VPS29: variants seen among roughly 807,000 people sequenced by gnomAD.
VPS29 encodes the protein VPS29 retromer complex component, also known as vacuolar protein sorting-associated protein 29.
VPS29 carries 2 observed loss-of-function variants against 20.0 expected under a neutral mutation model. That is an observed-to-expected ratio of 0.10 (90% CI 0.04 to 0.31). The LOEUF (loss-of-function observed/expected upper bound fraction) is 0.31. Ranked by LOEUF, VPS29 falls within the 10% of genes least tolerant of loss-of-function variation. The pLI, the probability that VPS29 is intolerant of heterozygous loss-of-function variation, is 1.00. For missense variants in VPS29, 120 were observed against 215.3 expected (o/e 0.56, Z 2.77); for synonymous variants, 81 against 79.3 (o/e 1.02, Z -0.12).
chr12:110,501,653 G>C lies in VPS29; in HGVS notation c.3+396C>G, dbSNP rs745330785. ...CTTCCACCACTACACCCCAACCAGCGGGAGGTGCTTTTTGCGGGAAACGAG... is the reference window on the plus strand; with the variant it reads ...CTTCCACCACTACACCCCAACCAGCCGGAGGTGCTTTTTGCGGGAAACGAG... On this transcript the variant is annotated intron_variant, in intron 1 of 3. Coordinates refer to ENST00000549578, the MANE Select transcript of VPS29 (RefSeq NM_016226.5). The C allele has an allele frequency of 2.6e-5, 40 of 1,527,252 alleles. No individual in the cohort carries two copies. The Middle Eastern group carries it at 1.2e-3, about 45-fold the overall frequency. The allele number at this position is 1,527,252 out of a possible 1,614,324, so 94.6% of individuals were successfully genotyped here. A position where few individuals can be genotyped will look rare whatever the true frequency, so the allele number is the denominator to read the frequency against.
intron 3 of VPS29, among the ~76,000 whole-genome samples, 172 bp from the exon 4 acceptor site, chr12:110,492,294 GCA>G (rs1447108838): frequency 1.3e-5 from 2 of 152,224 alleles, no homozygotes; most frequent in African/African-American, 4.8e-5. Context: ...ATGTGGCTGG[GCA>G]CAGTGGCTTA....
At chr12:110,501,044 G>A (rs1289336345) in intron 1 of VPS29, among the ~76,000 whole-genome samples, 1 of 152,140 alleles carries the variant, frequency 6.6e-6, no homozygotes, top group East Asian at 1.9e-4. Context: ...AGACGGGCTT[G>A]GTGGCGGGCG....
intron 1 of VPS29, chr12:110,501,678 G>A (rs377437374): frequency 1.4e-6 from 2 of 1,479,188 alleles, no homozygotes. Context: ...CGGGAAACGA[G>A]TAGGAACCGT....
At chr12:110,501,955 T>G (rs1255920073) in intron 1 of VPS29, 94 bp downstream of exon 1, 18 of 1,610,092 alleles carry the variant, frequency 1.1e-5, no homozygotes, top group Non-Finnish European at 1.5e-5. Context: ...CTCCGGGATT[T>G]CCCAATTCCT....
intron 2 of VPS29, among the ~76,000 whole-genome samples, chr12:110,494,913 G>A (rs1446592963): frequency 6.6e-6 from 1 of 151,646 alleles, no homozygotes; most frequent in Admixed American, 6.6e-5. Flanking sequence ...GTAGAGATGG[G>A]GTTTCACCGT....
chr12:110,499,403 T>A (rs1250088516), intron 1 of VPS29: 2 of 1,318,260 alleles, frequency 1.5e-6, no homozygotes, highest in African/African-American at 3.0e-5. Flanking sequence ...TAAATTAAAA[T>A]AAAGAGCCAA....
chr12:110,495,926 T>C, intron 2 of VPS29, 86 bp downstream of exon 2: 2 of 1,296,290 alleles, frequency 1.5e-6, no homozygotes, highest in Admixed American at 2.5e-5. Context: ...CCTTACCAGT[T>C]GAGAAACCCT....
At chr12:110,500,234 G>C (rs999969698) in intron 1 of VPS29, among the ~76,000 whole-genome samples, 1 of 152,172 alleles carries the variant, frequency 6.6e-6, no homozygotes, top group Non-Finnish European at 1.5e-5. Flanking sequence ...ACACTGTACT[G>C]AGTGTTGAAC....
chr12:110,497,251 C>G (rs1216871815), intron 1 of VPS29, among the ~76,000 whole-genome samples: 1 of 108,756 alleles, frequency 9.2e-6, no homozygotes, highest in African/African-American at 3.5e-5. Context: ...GAGTCTCACT[C>G]TGTCGCCCAG....
intron 2 of VPS29, among the ~76,000 whole-genome samples, chr12:110,494,100 C>A (rs1320093445): frequency 6.6e-6 from 1 of 151,988 alleles, no homozygotes; most frequent in Non-Finnish European, 1.5e-5. Context: ...TCTTTCACCT[C>A]CATGCCACCT....
chr12:110,496,363 T>C, intron 1 of VPS29, 160 bp from the exon 2 acceptor site: 1 of 599,760 alleles, frequency 1.7e-6, no homozygotes, highest in Non-Finnish European at 2.7e-6. Context: ...TCTCAGAAGC[T>C]GAATCTGTAC....
chr12:110,498,163 G>C (rs2062939008), intron 1 of VPS29, among the ~76,000 whole-genome samples: 1 of 151,786 alleles, frequency 6.6e-6, no homozygotes, highest in Non-Finnish European at 1.5e-5. Context: ...GTAGAGACAG[G>C]GTTTCACCGT....
In VPS29 at chr12:110,502,082, A is replaced by G. The variant is rs773202153; in HGVS notation, c.-31T>C. ...CACCGGGCTCCGCTCAGTCACCACC[A>G]CCGTCGCCGCCCTCTTCCTCAGGCT... On this transcript the variant is annotated 5_prime_UTR_variant, in exon 1 of 4. Transcript: ENST00000549578. 10 of 1,606,340 alleles carry G rather than the reference A, an allele frequency of 6.2e-6. No homozygotes were observed. Among genetic ancestry groups the G allele is most frequent in the South Asian group, 3.3e-5 (3 of 90,984 alleles).
intron 2 of VPS29, 45 bp from the exon 3 acceptor site, chr12:110,493,276 C>T (rs1322533686): frequency 2.2e-6 from 3 of 1,337,958 alleles, no homozygotes; most frequent in Non-Finnish European, 3.0e-6. Context: ...TTTAGAGATA[C>T]TGATGTTTAA....
rs2062818701 is a variant in VPS29, at chr12:110,491,623, A to G, written c.*382T>C. On this transcript the variant is annotated 3_prime_UTR_variant, in exon 4 of 4. Coordinates refer to ENST00000549578, the MANE Select transcript of VPS29 (RefSeq NM_016226.5). ...TAAATTAAATACAGGTTATCAAAGT[A>G]TAAATGAAAGGTAATTGTTTATTAC... 1 of 161,294 alleles carries G rather than the reference A, an allele frequency of 6.2e-6. No individual in the cohort carries two copies. Among genetic ancestry groups the G allele is most frequent in the African/African-American group, 2.4e-5 (1 of 41,548 alleles). 10.0% of individuals were successfully genotyped at this position (161,294 alleles called of 1,614,324 possible).
chr12:110,499,441 C>T lies in VPS29; in HGVS notation c.3+2608G>A, dbSNP rs1213295281. ...CAATCAAAGCATGGGAATTCGGTTACTTCCTTTCAACAGACCTTAAAAGGG... is the reference window on the plus strand; with the variant it reads ...CAATCAAAGCATGGGAATTCGGTTATTTCCTTTCAACAGACCTTAAAAGGG... On this transcript the variant is annotated intron_variant, in intron 1 of 3. Transcript: ENST00000549578. 6 of 1,553,048 alleles carry T rather than the reference C, an allele frequency of 3.9e-6. No homozygotes were observed. In the African/African-American group the frequency reaches 8.2e-5, roughly 21 times the overall value.
At chr12:110,499,661 A>C in intron 1 of VPS29, 1 of 767,190 alleles carries the variant, frequency 1.3e-6, no homozygotes, top group Non-Finnish European at 2.1e-6. Context: ...AAGAGAACAA[A>C]AAACCCATAC....
chr12:110,493,140 A>T lies in VPS29; in HGVS notation c.287T>A (p.Met96Lys). ...HGHQVIPWGD[M>K]ASLALLQRQF... ...CCTCTGCAACAGGGCTAAGCTGGCC[A>T]TATCTCCCCATGGAATAACTTGATG... Residue 96 changes from methionine (M) to lysine (K), a missense_variant, in exon 3 of 4, where the codon ATG becomes AAG. Coordinates refer to ENST00000549578, the MANE Select transcript of VPS29 (RefSeq NM_016226.5). 6.2e-7 allele frequency: 1 copy of T among 1,613,668 alleles called. No individual in the cohort carries two copies. The highest frequency in any genetic ancestry group is 8.5e-7 in the Non-Finnish European group (1 of 1,179,824).
chr12:110,492,959 C>T (rs2062841772), intron 3 of VPS29, 37 bp downstream of exon 3: 1 of 1,551,300 alleles, frequency 6.4e-7, no homozygotes, highest in African/African-American at 1.4e-5. Context: ...AATTATTTTA[C>T]TAAAGCCCCC....
Sources: allele counts gnomAD v4.1 joint callset (sites outside exome capture counted in the v4.1 genomes callset), GRCh38; gene constraint gnomAD v4.1.1; transcripts MANE v1.5; gene names NCBI Gene and HGNC (gene_info 2026-07-23, HGNC 2026-07-21).